TTC1: variants seen among roughly 807,000 people sequenced by gnomAD.
TTC1 encodes tetratricopeptide repeat domain 1.
A neutral mutation model predicts 37.6 loss-of-function variants in TTC1; 31 were observed. That is an observed-to-expected ratio of 0.82 (90% CI 0.62 to 1.11). The LOEUF (loss-of-function observed/expected upper bound fraction) is 1.11, where lower values mean the gene tolerates loss of function less well. Ranked by LOEUF, TTC1 falls within the 50% of genes most tolerant of loss-of-function variation. TTC1 has a pLI of 0.00. For missense variants in TTC1, 351 were observed against 339.0 expected (o/e 1.04, Z -0.28); for synonymous variants, 127 against 122.4 (o/e 1.04, Z -0.25).
Position 160,065,160 on chromosome 5 carries a change from C to A in TTC1, c.*95C>A. ...CCTGCCAATGTTTAACTTTTAAAAG[C>A]ATCTTATCTAAAAGAAAGGCTATCC... On this transcript the variant is annotated 3_prime_UTR_variant, in exon 8 of 8. Coordinates refer to ENST00000231238, the MANE Select transcript of TTC1 (RefSeq NM_003314.3). The A allele has an allele frequency of 6.6e-7, 1 of 1,515,772 alleles. No individual in the cohort carries two copies. The highest frequency in any genetic ancestry group is 8.9e-7 in the Non-Finnish European group (1 of 1,124,708). 93.9% of individuals were successfully genotyped at this position (1,515,772 alleles called of 1,614,324 possible).
Position 160,010,744 on chromosome 5 carries a change from G to T in TTC1, c.216G>T (p.Glu72Asp), listed in dbSNP as rs1756487373. 6.2e-7 allele frequency: 1 copy of T among 1,614,136 alleles called. No individual in the cohort carries two copies. Among genetic ancestry groups the T allele is most frequent in the Non-Finnish European group, 8.5e-7 (1 of 1,180,000 alleles). Residue 72 changes from glutamate to aspartate, a missense_variant, in exon 2 of 8, where the codon GAG becomes GAT. By Grantham distance (45) the Glu-to-Asp change is conservative. Coordinates refer to ENST00000231238, the MANE Select transcript of TTC1 (RefSeq NM_003314.3). Reference sequence around the variant, plus strand: ...ATGACTGCAGTGCCTCATTTGAGGAGGAGCCAGGAGCGGACAAGGTTGAGA... The same window carrying T: ...ATGACTGCAGTGCCTCATTTGAGGATGAGCCAGGAGCGGACAAGGTTGAGA... ...CFHDCSASFE[E>D]EPGADKVENK...
At chr5:160,014,757 A>G (rs1017758061) in intron 2 of TTC1, among the ~76,000 whole-genome samples, 2 of 152,294 alleles carry the variant, frequency 1.3e-5, no homozygotes, top group South Asian at 4.1e-4. Context: ...TAAGTACCAT[A>G]TTGGACATGA....
rs973239562 is a variant in TTC1 at position 160,041,791 on chromosome 5, T to G, written c.505-1342T>G. On this transcript the variant is annotated intron_variant, in intron 4 of 7. Transcript: ENST00000231238. ...TACTGTTTTATACACAGTCTATCAT[T>G]GATTGAAACGTCATTGTACAGTGCA... 7.2e-5 allele frequency among the ~76,000 whole-genome samples: 11 copies of G among 152,204 alleles called. 1 individual carries two copies. Among genetic ancestry groups the G allele is most frequent in the Admixed American group, 3.9e-4 (6 of 15,278 alleles).
At chr5:160,043,213 T>A in intron 5 of TTC1, 44 bp downstream of exon 5, 1 of 1,608,568 alleles carries the variant, frequency 6.2e-7, no homozygotes, top group South Asian at 1.1e-5. Flanking sequence ...ACAGGAGCAT[T>A]ATGTCAGACA....
chr5:160,054,325 A>G (rs1757484033), intron 7 of TTC1, among the ~76,000 whole-genome samples: 1 of 152,240 alleles, frequency 6.6e-6, no homozygotes, highest in Non-Finnish European at 1.5e-5. Context: ...TAGCTGGGAA[A>G]AAAGTTGGCT....
rs559938777 is a variant in TTC1 at position 160,044,860 on chromosome 5, C to T, written c.541+1691C>T. ...GATGGAGCCACTTTGATTCAGATGC[C>T]TCTGACACTCTAATTTTTTATTTAA... On this transcript the variant is annotated intron_variant, in intron 5 of 7. Coordinates refer to ENST00000231238, the MANE Select transcript of TTC1 (RefSeq NM_003314.3). Among the ~76,000 whole-genome samples, 375 of 152,266 alleles carry T rather than the reference C, an allele frequency of 2.5e-3. 1 individual carries two copies. The highest frequency in any genetic ancestry group is 4.7e-3 in the Non-Finnish European group (317 of 68,020).
In TTC1 at chr5:160,035,147, G is replaced by A. The variant is rs374516837; in HGVS notation, c.338G>A (p.Arg113Lys). The change falls in exon 3 of 8, where the codon AGA becomes AAA. Residue 113 changes from arginine to lysine, a missense_variant. By Grantham distance (26) the Arg-to-Lys change is conservative. Coordinates refer to ENST00000231238, the MANE Select transcript of TTC1 (RefSeq NM_003314.3). The part of the protein sequence containing the change: ...NMSDEEKQKR[R>K]EESTRLKEEG... Reference sequence around the variant, plus strand: ...TTCTCTGATGTCTTTCAGAAAAGAAGAGAAGAGAGCACTAGACTAAAGGAG... The same window carrying A: ...TTCTCTGATGTCTTTCAGAAAAGAAAAGAAGAGAGCACTAGACTAAAGGAG... 1 of 1,597,340 alleles carries A rather than the reference G, an allele frequency of 6.3e-7. No individual in the cohort carries two copies. The highest frequency in any genetic ancestry group is 1.4e-5 in the African/African-American group (1 of 74,018).
intron 2 of TTC1, among the ~76,000 whole-genome samples, chr5:160,025,401 A>G (rs994375002): frequency 6.6e-5 from 10 of 152,194 alleles, no homozygotes; most frequent in African/African-American, 2.4e-4. Flanking sequence ...AGCTCAAGCA[A>G]TCCACCCTCC....
At chr5:160,042,469 C>T (rs1757117266) in intron 4 of TTC1, among the ~76,000 whole-genome samples, 1 of 152,120 alleles carries the variant, frequency 6.6e-6, no homozygotes, top group African/African-American at 2.4e-5. Flanking sequence ...ACAAACTGAG[C>T]CCTAGAGAAG....
At chr5:160,015,958 G>T (rs544080794) in intron 2 of TTC1, among the ~76,000 whole-genome samples, 102 of 152,334 alleles carry the variant, frequency 6.7e-4, no homozygotes, top group Non-Finnish European at 1.3e-3. Context: ...ATTGTTTAGT[G>T]TGGAAAACAC....
At chr5:160,033,554 T>TG (rs1420971411) in intron 2 of TTC1, among the ~76,000 whole-genome samples, 1 of 152,092 alleles carries the variant, frequency 6.6e-6, no homozygotes, top group African/African-American at 2.4e-5. Context: ...TGCCTGAGAG[T>TG]GGGTGATTTA....
chr5:160,049,360 T>G (rs1757341547), intron 5 of TTC1, among the ~76,000 whole-genome samples, 154 bp from the exon 6 acceptor site: 1 of 152,182 alleles, frequency 6.6e-6, no homozygotes, highest in South Asian at 2.1e-4. Context: ...TATCTTGCTC[T>G]TTATAGAAAA....
At chr5:160,020,947 C>A (rs2113349987) in intron 2 of TTC1, among the ~76,000 whole-genome samples, 1 of 152,332 alleles carries the variant, frequency 6.6e-6, no homozygotes, top group African/African-American at 2.4e-5. Flanking sequence ...TAGTTCCCCA[C>A]AAGAGCAGTC....
chr5:160,032,880 A>AT (rs76223586), intron 2 of TTC1, among the ~76,000 whole-genome samples: 30 of 145,748 alleles, frequency 2.1e-4, no homozygotes, highest in South Asian at 6.5e-4. Context: ...CACCCAGCTA[A>AT]TTTTTTTTTT....
chr5:160,054,796 A>C (rs1189342896), intron 7 of TTC1, among the ~76,000 whole-genome samples: 1 of 152,174 alleles, frequency 6.6e-6, no homozygotes, highest in Non-Finnish European at 1.5e-5. Flanking sequence ...GAGTATATCT[A>C]AGCCTTTATG....
intron 7 of TTC1, among the ~76,000 whole-genome samples, chr5:160,054,392 T>A: frequency 6.6e-6 from 1 of 152,160 alleles, no homozygotes; most frequent in South Asian, 2.1e-4. Flanking sequence ...GGTGGGAGGA[T>A]TGCTTGAGCC....
At chr5:160,023,352 C>T (rs530640152) in intron 2 of TTC1, among the ~76,000 whole-genome samples, 14 of 148,010 alleles carry the variant, frequency 9.5e-5, no homozygotes, top group East Asian at 8.0e-4. Context: ...AGTGCAGTGA[C>T]GCAATCATGG....
chr5:160,034,180 T>G (rs1235803536), intron 2 of TTC1, among the ~76,000 whole-genome samples: 2 of 151,456 alleles, frequency 1.3e-5, no homozygotes, highest in Admixed American at 6.6e-5. Flanking sequence ...GTTTTTGGGG[T>G]TTTTTTGTTG....
At chr5:160,053,058 C>T (rs899817929) in intron 7 of TTC1, among the ~76,000 whole-genome samples, 4 of 152,160 alleles carry the variant, frequency 2.6e-5, no homozygotes, top group Non-Finnish European at 4.4e-5. Context: ...AGAGAAATCA[C>T]TCTTTACATG....
Sources: allele counts gnomAD v4.1 joint callset (sites outside exome capture counted in the v4.1 genomes callset), GRCh38; gene constraint gnomAD v4.1.1; transcripts MANE v1.5; gene names NCBI Gene and HGNC (gene_info 2026-07-23, HGNC 2026-07-21).